CYP39A1: variants seen among roughly 807,000 people sequenced by gnomAD.
CYP39A1 encodes the protein 24-hydroxycholesterol 7-alpha-hydroxylase.
In CYP39A1, 49 loss-of-function variants were observed where a neutral mutation model predicts 58.1. The observed-to-expected ratio is 0.84, with a 90% CI of 0.67 to 1.07. CYP39A1 has a LOEUF of 1.07. Ranked by LOEUF, CYP39A1 falls within the 50% of genes least tolerant of loss-of-function variation. CYP39A1 has a pLI of 0.00. For missense variants in CYP39A1, 531 were observed against 539.4 expected (o/e 0.98, Z 0.16); for synonymous variants, 209 against 187.6 (o/e 1.11, Z -0.93).
intron 7 of CYP39A1, among the ~76,000 whole-genome samples, chr6:46,601,893 A>G (rs1218604452): frequency 6.6e-6 from 1 of 151,994 alleles, no homozygotes; most frequent in Admixed American, 6.6e-5. Context: ...TTCACCTTTT[A>G]GCTCTCAGCT....
intron 10 of CYP39A1, among the ~76,000 whole-genome samples, chr6:46,580,611 A>G (rs1188909597): frequency 6.6e-6 from 1 of 152,182 alleles, no homozygotes; most frequent in Non-Finnish European, 1.5e-5. Flanking sequence ...GCATCTCACA[A>G]AGGTCTAATA....
At chr6:46,620,821 C>G (rs1774910726) in intron 7 of CYP39A1, among the ~76,000 whole-genome samples, 1 of 152,110 alleles carries the variant, frequency 6.6e-6, no homozygotes, top group Admixed American at 6.6e-5. Context: ...AATACCTGAT[C>G]ACTAAATAAT....
chr6:46,617,220 G>A (rs1774663336), intron 7 of CYP39A1, among the ~76,000 whole-genome samples: 1 of 152,080 alleles, frequency 6.6e-6, no homozygotes, highest in Non-Finnish European at 1.5e-5. Context: ...AATCAAAAAT[G>A]AGGTGAATGG....
At chr6:46,572,270 A>G (rs893688928) in intron 10 of CYP39A1, among the ~76,000 whole-genome samples, 1 of 152,052 alleles carries the variant, frequency 6.6e-6, no homozygotes. Flanking sequence ...TGGGTTTTAT[A>G]CTTTCATGCA....
chr6:46,595,604 G>T (rs941616137), intron 8 of CYP39A1, among the ~76,000 whole-genome samples: 1 of 151,910 alleles, frequency 6.6e-6, no homozygotes, highest in African/African-American at 2.4e-5. Flanking sequence ...GGGTGGAGGA[G>T]GACCTGGAGA....
chr6:46,558,583 A>G (rs1393521296), intron 10 of CYP39A1, among the ~76,000 whole-genome samples: 1 of 152,180 alleles, frequency 6.6e-6, no homozygotes. Context: ...GAGGCAAACT[A>G]TATCACTGTT....
intron 10 of CYP39A1, among the ~76,000 whole-genome samples, chr6:46,571,477 A>G (rs1448380161): frequency 6.6e-6 from 1 of 151,922 alleles, no homozygotes; most frequent in Non-Finnish European, 1.5e-5. Context: ...TTATATAATG[A>G]CCTTCTTTGT....
At chr6:46,571,919 T>C (rs1229114908) in intron 10 of CYP39A1, among the ~76,000 whole-genome samples, 2 of 152,124 alleles carry the variant, frequency 1.3e-5, no homozygotes, top group Non-Finnish European at 2.9e-5. Context: ...TTGTGGTCAC[T>C]ATGAGTCTTA....
At chr6:46,558,994 CAAAAAAA>C (rs35310827) in intron 10 of CYP39A1, among the ~76,000 whole-genome samples, 1 of 49,106 alleles carries the variant, frequency 2.0e-5, no homozygotes, top group South Asian at 6.7e-4. Context: ...GACTCCATCT[CAAAAAAA>C]AAAAAAAAAA....
At chr6:46,625,545 C>A (rs1351156341) in intron 6 of CYP39A1, 37 bp from the exon 7 acceptor site, 4 of 1,491,810 alleles carry the variant, frequency 2.7e-6, no homozygotes, top group Non-Finnish European at 3.7e-6. Flanking sequence ...ATATGAACTT[C>A]TTTGAAGGTG....
At chr6:46,612,688 T>C (rs1228227203) in intron 7 of CYP39A1, among the ~76,000 whole-genome samples, 4 of 152,216 alleles carry the variant, frequency 2.6e-5, no homozygotes, top group African/African-American at 9.6e-5. Context: ...CTGGTGGGAA[T>C]GGAGATAATT....
intron 7 of CYP39A1, among the ~76,000 whole-genome samples, chr6:46,605,710 G>A (rs1390228043): frequency 3.9e-5 from 6 of 152,088 alleles, no homozygotes; most frequent in South Asian, 4.1e-4. Context: ...CTGAGATGGG[G>A]TCCAAACAAT....
intron 5 of CYP39A1, among the ~76,000 whole-genome samples, chr6:46,633,204 T>A (rs999853738): frequency 1.3e-5 from 2 of 152,194 alleles, no homozygotes; most frequent in Non-Finnish European, 2.9e-5. Context: ...GAATTGAAAA[T>A]AGTTTAGATA....
At chr6:46,574,206 T>C (rs1340136228) in intron 10 of CYP39A1, among the ~76,000 whole-genome samples, 1 of 152,152 alleles carries the variant, frequency 6.6e-6, no homozygotes, top group Admixed American at 6.5e-5. Flanking sequence ...GTTTCTGGGG[T>C]CAAATGTGTC....
intron 10 of CYP39A1, among the ~76,000 whole-genome samples, chr6:46,572,749 G>C (rs1265815105): frequency 6.6e-6 from 1 of 151,982 alleles, no homozygotes; most frequent in Non-Finnish European, 1.5e-5. Flanking sequence ...ATTTAAATAA[G>C]GTTTCTTCCC....
chr6:46,561,389 A>T (rs1165017646), intron 10 of CYP39A1, among the ~76,000 whole-genome samples: 3 of 152,164 alleles, frequency 2.0e-5, no homozygotes, highest in Admixed American at 2.0e-4. Flanking sequence ...GCACTGCAAC[A>T]AGCGAAAAAG....
At chr6:46,640,871 A>C (rs1313135422) in intron 2 of CYP39A1, among the ~76,000 whole-genome samples, 1 of 149,114 alleles carries the variant, frequency 6.7e-6, no homozygotes, top group Admixed American at 6.9e-5. Context: ...TCGTCATCCT[A>C]TTACGTGTAA....
At chr6:46,609,818 T>A (rs1422093066) in intron 7 of CYP39A1, among the ~76,000 whole-genome samples, 1 of 152,256 alleles carries the variant, frequency 6.6e-6, no homozygotes, top group Non-Finnish European at 1.5e-5. Flanking sequence ...GAAAAATGAT[T>A]TACTATTTGG....
chr6:46,610,479 C>G (rs939158442), intron 7 of CYP39A1, among the ~76,000 whole-genome samples: 4 of 151,974 alleles, frequency 2.6e-5, no homozygotes, highest in Non-Finnish European at 4.4e-5. Context: ...GTAGCTGGGA[C>G]TACAGATGCA....
Sources: gnomAD v4.1 joint callset for allele counts (sites outside exome capture counted in the v4.1 genomes callset) on GRCh38, gnomAD v4.1.1 for gene constraint, MANE v1.5 for transcripts, NCBI Gene and HGNC (gene_info 2026-07-23, HGNC 2026-07-21) for gene names.